Variants in PCDHGB6 observed in about 807,000 individuals in gnomAD.
PCDHGB6 encodes protocadherin gamma subfamily B, 6, also known as protocadherin gamma-B6.
Under a neutral mutation model 59.1 loss-of-function variants are expected in PCDHGB6, and 51 were observed. The ratio of observed to expected loss-of-function variants is 0.86; its 90% CI spans 0.69 to 1.09. The LOEUF (loss-of-function observed/expected upper bound fraction) is 1.09, where lower values mean the gene tolerates loss of function less well. Ranked by LOEUF, PCDHGB6 falls within the 50% of genes least tolerant of loss-of-function variation. The pLI is 0.00. For synonymous variants in PCDHGB6, 466 were observed against 495.1 expected (o/e 0.94, Z 0.78); for missense variants, 1,148 against 1,205.1 (o/e 0.95, Z 0.70).
intron 1 of PCDHGB6, chr5:141,413,602 G>A (rs1561743581): frequency 6.2e-7 from 1 of 1,613,860 alleles, no homozygotes; most frequent in Non-Finnish European, 8.5e-7. Flanking sequence ...AGAAAATCTA[G>A]ACGTAAAAAT....
Position 141,487,892 on chromosome 5 carries a change from T to A in PCDHGB6, c.2419-6915T>A. On this transcript the variant is annotated intron_variant, in intron 1 of 3. Coordinates refer to ENST00000520790, the MANE Select transcript of PCDHGB6 (RefSeq NM_018926.3). The surrounding 1 kb of genome is among the most constrained non-coding windows in gnomAD (Gnocchi z 5.0). The stretch of plus-strand genomic sequence containing the variant: ...GAGCCAGGCTGTTGTGGAAGCATGA[T>A]GATGGAATGTGGGAGCACAGGAGGC... 1 of 731,410 alleles carries A rather than the reference T, an allele frequency of 1.4e-6. No homozygotes were observed. Among genetic ancestry groups the A allele is most frequent in the South Asian group, 1.8e-5 (1 of 54,120 alleles). The allele number at this position is 731,410 out of a possible 1,614,324, so 45.3% of individuals were successfully genotyped here. A position where few individuals can be genotyped will look rare whatever the true frequency, so the allele number is the denominator to read the frequency against.
intron 1 of PCDHGB6, chr5:141,433,325 C>CA: frequency 2.8e-6 from 2 of 726,266 alleles, no homozygotes; most frequent in Non-Finnish European, 4.5e-6. Context: ...TCCGGTGTAA[C>CA]AGGGACTACA....
At position 141,505,451 on chromosome 5, in the gene PCDHGB6, C is replaced by T. The variant is rs1350424069; in HGVS notation, c.2536C>T (p.Leu846=). Residue 846 remains leucine (L), a synonymous_variant, in exon 3 of 4, where the codon CTG becomes TTG. Transcript: ENST00000520790. The part of the protein sequence containing the change: ...WPNNQFDTEM[L]QAMILASASE... ...CAACAACCAGTTTGACACAGAGATG[C>T]TGCAAGCCATGATCTTGGCGTCCGC... The T allele has an allele frequency of 1.2e-6, 2 of 1,614,222 alleles. No individual in the cohort carries two copies. The highest frequency in any genetic ancestry group is 1.7e-6 in the Non-Finnish European group (2 of 1,180,048).
intron 1 of PCDHGB6, among the ~76,000 whole-genome samples, chr5:141,480,976 T>G (rs1485868136): frequency 6.6e-6 from 1 of 152,108 alleles, no homozygotes; most frequent in Non-Finnish European, 1.5e-5. Context: ...GGAGAATCAG[T>G]GAACCCAGGA....
chr5:141,423,880 G>C, intron 1 of PCDHGB6: 1 of 1,282,292 alleles, frequency 7.8e-7, no homozygotes, highest in Non-Finnish European at 9.9e-7. Context: ...TTTCAATCTT[G>C]GCATATTTTC....
In PCDHGB6 at chr5:141,487,000, G is replaced by A. The variant is rs1410493699; in HGVS notation, c.2419-7807G>A. On this transcript the variant is annotated intron_variant, in intron 1 of 3. Transcript: ENST00000520790. The surrounding 1 kb of genome is among the most constrained non-coding windows in gnomAD (Gnocchi z 5.0). ...GTTACAATGCTTGGGTTTCCTATCA[G>A]CTCCTGGAGGCCCCAGATCCCAGCC... The A allele has an allele frequency of 6.2e-7, 1 of 1,614,194 alleles. No homozygotes were observed. The highest frequency in any genetic ancestry group is 8.5e-7 in the Non-Finnish European group (1 of 1,180,036).
intron 2 of PCDHGB6, among the ~76,000 whole-genome samples, chr5:141,501,301 ACAC>A (rs1380901086): frequency 6.6e-6 from 1 of 150,882 alleles, no homozygotes; most frequent in African/African-American, 2.4e-5. Context: ...ACACACACAC[ACAC>A]ACACACACAC....
intron 1 of PCDHGB6, 195 bp downstream of exon 1, chr5:141,410,815 T>C: frequency 1.8e-6 from 1 of 553,722 alleles, no homozygotes; most frequent in Non-Finnish European, 2.9e-6. Context: ...TTTTGTAAAA[T>C]AATGTCACCA....
At position 141,496,642 on chromosome 5, in the gene PCDHGB6, G is replaced by C. The variant is rs1053400475; in HGVS notation, c.2477+1777G>C. Among the ~76,000 whole-genome samples the C allele has an allele frequency of 6.6e-5, 10 of 152,318 alleles. No individual in the cohort carries two copies. In the East Asian group the frequency reaches 1.5e-3, roughly 24 times the overall value. ...AGATCAAAAGGCTTGGGCTGCCCTT[G>C]CCCTTCCTTTGACCCCAGCTGTTGT... On this transcript the variant is annotated intron_variant, in intron 2 of 3. Transcript: ENST00000520790.
chr5:141,489,364 G>A lies in PCDHGB6; in HGVS notation c.2419-5443G>A, dbSNP rs2099686163. On this transcript the variant is annotated intron_variant, in intron 1 of 3. Coordinates refer to ENST00000520790, the MANE Select transcript of PCDHGB6 (RefSeq NM_018926.3). The surrounding 1 kb of genome is among the most constrained non-coding windows in gnomAD (Gnocchi z 4.5). The stretch of plus-strand genomic sequence containing the variant: ...CTCAGTGGTGGAGGAGTCTGAGCCG[G>A]GGACGCTGGTGGGGAATGTTGCTCA... 1 of 1,613,450 alleles carries A rather than the reference G, an allele frequency of 6.2e-7. No homozygotes were observed. The highest frequency in any genetic ancestry group is 1.1e-5 in the South Asian group (1 of 91,042).
chr5:141,510,852 G>A (rs2099883073), intron 3 of PCDHGB6, 95 bp from the exon 4 acceptor site: 2 of 1,601,096 alleles, frequency 1.2e-6, no homozygotes, highest in Non-Finnish European at 1.7e-6. Flanking sequence ...GGCCCAGGGT[G>A]CTGTATAGGC....
intron 1 of PCDHGB6, among the ~76,000 whole-genome samples, chr5:141,447,896 G>C (rs2098554754): frequency 6.6e-6 from 1 of 152,022 alleles, no homozygotes; most frequent in African/African-American, 2.4e-5. Flanking sequence ...GACCAGCCTG[G>C]CCAACATGGT....
intron 1 of PCDHGB6, chr5:141,421,221 G>A (rs746753262): frequency 6.3e-7 from 1 of 1,576,508 alleles, no homozygotes; most frequent in Non-Finnish European, 8.6e-7. Context: ...TCGGCTTAGA[G>A]CCTGCCATGG....
At chr5:141,479,866 A>G (rs1020197891) in intron 1 of PCDHGB6, among the ~76,000 whole-genome samples, 2 of 152,204 alleles carry the variant, frequency 1.3e-5, no homozygotes, top group African/African-American at 2.4e-5. Context: ...TTTGCCCTGG[A>G]GAGAACCCTA....
At chr5:141,483,273 T>G (rs6860615) in intron 1 of PCDHGB6, among the ~76,000 whole-genome samples, 62,442 of 151,936 alleles carry the variant, frequency 0.41, 15,417 homozygotes, top group African/African-American at 0.7. Flanking sequence ...GTTTTAGAAA[T>G]ATTATTCTGT....
intron 1 of PCDHGB6, chr5:141,433,063 G>T (rs1411651811): frequency 3.1e-6 from 5 of 1,614,176 alleles, no homozygotes; most frequent in Non-Finnish European, 4.2e-6. Flanking sequence ...AGAGTCACCT[G>T]ATCTTCCCCC....
At chr5:141,501,628 C>T (rs1217355708) in intron 2 of PCDHGB6, among the ~76,000 whole-genome samples, 1 of 152,112 alleles carries the variant, frequency 6.6e-6, no homozygotes, top group Non-Finnish European at 1.5e-5. Flanking sequence ...TATAGTCTCT[C>T]AACCTCTCTG....
At position 141,415,074 on chromosome 5, in the gene PCDHGB6, G is replaced by C; in HGVS notation, c.2418+4454G>C. 3 of 1,613,448 alleles carry C rather than the reference G, an allele frequency of 1.9e-6. No homozygotes were observed. In the South Asian group the frequency reaches 3.3e-5, roughly 18 times the overall value. On this transcript the variant is annotated intron_variant, in intron 1 of 3. Coordinates refer to ENST00000520790, the MANE Select transcript of PCDHGB6 (RefSeq NM_018926.3). ...AGCACACGGGCGAGGTGCGCACGGCGCGAGCCCTGCTGGACAGAGACGCGC... is the reference window on the plus strand; with the variant it reads ...AGCACACGGGCGAGGTGCGCACGGCCCGAGCCCTGCTGGACAGAGACGCGC...
intron 1 of PCDHGB6, among the ~76,000 whole-genome samples, chr5:141,473,413 G>A (rs1282997381): frequency 6.6e-6 from 1 of 152,156 alleles, no homozygotes; most frequent in Non-Finnish European, 1.5e-5. Context: ...CTTCTTCAGT[G>A]GGGGAAGCAG....
Sources: gnomAD v4.1 joint callset for allele counts (sites outside exome capture counted in the v4.1 genomes callset) on GRCh38, gnomAD v4.1.1 for gene constraint, Gnocchi (gnomAD v3.1) non-coding constraint, MANE v1.5 for transcripts, NCBI Gene and HGNC (gene_info 2026-07-23, HGNC 2026-07-21) for gene names.